Variants in COPE observed in about 807,000 individuals in gnomAD.
The protein encoded by COPE is coat protein complex I subunit epsilon, also known as coatomer subunit epsilon.
In COPE, 19 loss-of-function variants were observed where a neutral mutation model predicts 42.1. That is an observed-to-expected ratio of 0.45 (90% CI 0.31 to 0.66). The LOEUF is 0.66. COPE is among the 30% of genes least tolerant of loss of function. COPE has a pLI of 0.05. For synonymous variants in COPE, 195 were observed against 181.3 expected (o/e 1.08, Z -0.60); for missense variants, 402 against 416.1 (o/e 0.97, Z 0.30).
At chr19:18,912,880 CTTTGTTTA>C in intron 2 of COPE, 96 bp downstream of exon 2, 1 of 1,128,486 alleles carries the variant, frequency 8.9e-7, no homozygotes, top group Non-Finnish European at 1.3e-6. Flanking sequence ...TGGGTCCCTG[CTTTGTTTA>C]CTGTCCCCGC....
At chr19:18,912,256 C>G (rs2145076705) in intron 2 of COPE, among the ~76,000 whole-genome samples, 1 of 152,300 alleles carries the variant, frequency 6.6e-6, no homozygotes, top group South Asian at 2.1e-4. Flanking sequence ...AACTGATCCT[C>G]CTGCCACAGC....
At chr19:18,905,382 A>T (rs2056748744) in intron 5 of COPE, among the ~76,000 whole-genome samples, 194 bp downstream of exon 5, 1 of 152,074 alleles carries the variant, frequency 6.6e-6, no homozygotes. Context: ...AGAGAAACTG[A>T]GGCACAGAGA....
At chr19:18,913,886 C>A (rs991226637) in intron 1 of COPE, among the ~76,000 whole-genome samples, 2 of 152,196 alleles carry the variant, frequency 1.3e-5, no homozygotes, top group Non-Finnish European at 2.9e-5. Flanking sequence ...AGTGCCCAAA[C>A]CAGGGGGAGT....
intron 3 of COPE, among the ~76,000 whole-genome samples, chr19:18,909,142 C>A (rs1427628194): frequency 6.6e-6 from 1 of 152,272 alleles, no homozygotes; most frequent in Non-Finnish European, 1.5e-5. Context: ...GGCTGCTTTT[C>A]TGTGATGCTC....
chr19:18,906,732 G>A (rs74442378), intron 4 of COPE: 12,844 of 504,158 alleles, frequency 0.025, 258 homozygotes, highest in Non-Finnish European at 0.033. Context: ...GGGAACAGAG[G>A]GTTGCAGCCT....
At chr19:18,910,303 G>A (rs116666466) in intron 3 of COPE, among the ~76,000 whole-genome samples, 1,581 of 152,306 alleles carry the variant, frequency 0.01, 31 homozygotes, top group African/African-American at 0.036. Context: ...CTGGCAGGTT[G>A]CAGTCCCCAA....
At chr19:18,917,350 T>C (rs745950452) in intron 1 of COPE, among the ~76,000 whole-genome samples, 4 of 150,776 alleles carry the variant, frequency 2.7e-5, no homozygotes, top group Non-Finnish European at 5.9e-5. Flanking sequence ...TCTAGCCTCA[T>C]GAATTTTAAG....
rs947677458 is a variant in COPE, at chr19:18,916,713, G to T, written c.126+2510C>A. Among the ~76,000 whole-genome samples, 6 of 150,076 alleles carry T rather than the reference G, an allele frequency of 4.0e-5. No homozygotes were observed. The East Asian group carries it at 1.2e-3, about 30-fold the overall frequency. ...TGAGGCAGGAGAACTGCTTGAACCC[G>T]GGAGGCAGAGGTTGTGGTGAGCTGA... On this transcript the variant is annotated intron_variant, in intron 1 of 9. Coordinates refer to ENST00000262812, the MANE Select transcript of COPE (RefSeq NM_007263.4).
Position 18,907,043 on chromosome 19 carries a change from C to T in COPE, c.360G>A (p.Leu120=), listed in dbSNP as rs1260952806. The change falls in exon 4 of 10, where the codon CTG becomes CTA. Residue 120 remains leucine (L), a synonymous_variant. Transcript: ENST00000262812. ...RSVDVTNTTF[L]LMAASIYLHD... ...GGAGATAGATGGAGGCGGCCATGAG[C>T]AGGAAGGTGGTGTTGGTCACGTCCA... 6.2e-7 allele frequency: 1 copy of T among 1,606,408 alleles called. No individual in the cohort carries two copies. Among genetic ancestry groups the T allele is most frequent in the Non-Finnish European group, 8.5e-7 (1 of 1,177,096 alleles).
In COPE at chr19:18,913,258, C is replaced by T. The variant is rs1157795407; in HGVS notation, c.127-212G>A. Among the ~76,000 whole-genome samples the T allele has an allele frequency of 3.9e-5, 6 of 152,210 alleles. No individual in the cohort carries two copies. The East Asian group carries it at 1.2e-3, about 29-fold the overall frequency. On this transcript the variant is annotated intron_variant, in intron 1 of 9. Coordinates refer to ENST00000262812, the MANE Select transcript of COPE (RefSeq NM_007263.4). ...GGTGCCTGATCTCATCCCGCGCTGA[C>T]ACCACCCCAGGAAGGAGGCTTGCTC...
chr19:18,910,015 G>A (rs2056795444), intron 3 of COPE, among the ~76,000 whole-genome samples: 1 of 152,216 alleles, frequency 6.6e-6, no homozygotes, highest in South Asian at 2.1e-4. Flanking sequence ...CTGCACAGGA[G>A]TCAGCTCCCA....
rs1298742610 is a variant in COPE at position 18,900,467 on chromosome 19, C to T, written c.736-18G>A. The T allele has an allele frequency of 4.5e-6, 7 of 1,542,362 alleles. No homozygotes were observed. Among genetic ancestry groups the T allele is most frequent in the Non-Finnish European group, 6.1e-6 (7 of 1,141,566 alleles). ...CCACTATCCTGGAGACACAGGCAGA[C>T]ACGGGGAGGCAGGGTCAGCCACTCC... On this transcript the variant is annotated intron_variant, in intron 7 of 9. Transcript: ENST00000262812.
chr19:18,919,384 A>G lies in COPE; in HGVS notation c.-36T>C. ...TCTCACCAGCTCCTCTTCCTGAAAG[A>G]CACGTCAGCCGGAAGCAAGACACGG... On this transcript the variant is annotated 5_prime_UTR_variant, in exon 1 of 10. Transcript: ENST00000262812. 1 of 1,606,162 alleles carries G rather than the reference A, an allele frequency of 6.2e-7. No individual in the cohort carries two copies. The highest frequency in any genetic ancestry group is 1.7e-5 in the Admixed American group (1 of 58,516).
In COPE at chr19:18,903,400, G is replaced by A. The variant is rs1189887389; in HGVS notation, c.603C>T (p.Ala201=). Residue 201 remains alanine (A), a synonymous_variant, in exon 7 of 10, where the codon GCC becomes GCT. Coordinates refer to ENST00000262812, the MANE Select transcript of COPE (RefSeq NM_007263.4). ...CAGCCATCTCCTGGAAGATGTAGTA[G>A]GCATCCTGCAGCTTCTCACCACCCT... is the stretch of plus-strand genomic sequence containing the variant. ...LATGGEKLQD[A]YYIFQEMADK... is the part of the protein sequence containing the mutation. 2.5e-6 allele frequency: 4 copies of A among 1,612,324 alleles called. No individual in the cohort carries two copies. In the Middle Eastern group the frequency reaches 6.6e-4, roughly 266 times the overall value.
intron 1 of COPE, among the ~76,000 whole-genome samples, chr19:18,916,136 G>C (rs1356529693): frequency 2.0e-5 from 3 of 152,102 alleles, no homozygotes; most frequent in Non-Finnish European, 4.4e-5. Context: ...GGTGAGCTGA[G>C]ATCATGCCAC....
At chr19:18,917,348 C>T (rs2056863660) in intron 1 of COPE, among the ~76,000 whole-genome samples, 1 of 150,240 alleles carries the variant, frequency 6.7e-6, no homozygotes, top group Non-Finnish European at 1.5e-5. Flanking sequence ...TTTCTAGCCT[C>T]ATGAATTTTA....
chr19:18,919,322 G>A lies in COPE; in HGVS notation c.27C>T (p.Ala9=), dbSNP rs1243011812. The change falls in exon 1 of 10, where the codon GCC becomes GCT. Residue 9 remains alanine, a synonymous_variant. Coordinates refer to ENST00000262812, the MANE Select transcript of COPE (RefSeq NM_007263.4). MAPPAPGP[A]SGGSGEVDEL... ...CGTCTACCTCCCCGGAGCCGCCGGA[G>A]GCCGGGCCGGGGGCCGGAGGCGCCA... The A allele has an allele frequency of 1.2e-6, 2 of 1,613,552 alleles. No homozygotes were observed. Among genetic ancestry groups the A allele is most frequent in the Non-Finnish European group, 1.7e-6 (2 of 1,179,938 alleles).
chr19:18,914,703 CTTGAGCCCAGGAGT>C (rs1209686567), intron 1 of COPE, among the ~76,000 whole-genome samples: 1 of 151,220 alleles, frequency 6.6e-6, no homozygotes, highest in Non-Finnish European at 1.5e-5. Flanking sequence ...AGGAGCACTG[CTTGAGCCCAGGAGT>C]TTGAGACCAG....
chr19:18,904,036 GC>G (rs1186419548), intron 6 of COPE, among the ~76,000 whole-genome samples: 1 of 152,200 alleles, frequency 6.6e-6, no homozygotes, highest in East Asian at 1.9e-4. Flanking sequence ...CGCGATCTTG[GC>G]TCACCGCAAC....
Sources: allele counts gnomAD v4.1 joint callset (sites outside exome capture counted in the v4.1 genomes callset), GRCh38; gene constraint gnomAD v4.1.1; transcripts MANE v1.5; gene names NCBI Gene and HGNC (gene_info 2026-07-23, HGNC 2026-07-21).